The following LCMT1 variants were observed in gnomAD, a reference collection of about 807,000 sequenced individuals.
LCMT1 encodes leucine carboxyl methyltransferase 1.
LCMT1 carries 32 observed loss-of-function variants against 47.7 expected under a neutral mutation model. The observed-to-expected ratio is 0.67, with a 90% CI of 0.51 to 0.90. The LOEUF (loss-of-function observed/expected upper bound fraction) is 0.90, where lower values mean the gene tolerates loss of function less well. Among genes scored for constraint, LCMT1 ranks in the 40% least tolerant of loss-of-function variants. The pLI, the probability that LCMT1 is intolerant of heterozygous loss-of-function variation, is 0.00. For synonymous variants in LCMT1, 152 were observed against 149.7 expected, an observed-to-expected ratio of 1.02 and a Z score of -0.11; for missense variants, 375 against 415.2, an observed-to-expected ratio of 0.90 and a Z score of 0.84.
chr16:25,118,224 T>C (rs1370947300), intron 1 of LCMT1, among the ~76,000 whole-genome samples: 1 of 152,036 alleles, frequency 6.6e-6, no homozygotes, highest in African/African-American at 2.4e-5. Context: ...CTGCTCTGTG[T>C]ACTTCCCCAG....
chr16:25,132,854 G>A (rs1193310336), intron 3 of LCMT1, among the ~76,000 whole-genome samples: 1 of 142,058 alleles, frequency 7.0e-6, no homozygotes, highest in Admixed American at 7.2e-5. Context: ...GCATGCATTT[G>A]TAACTTTTTT....
chr16:25,121,582 A>G (rs1048261482), intron 1 of LCMT1, among the ~76,000 whole-genome samples: 1 of 152,182 alleles, frequency 6.6e-6, no homozygotes, highest in Non-Finnish European at 1.5e-5. Flanking sequence ...AAAAAGGTTT[A>G]ATTGACTCAG....
intron 9 of LCMT1, among the ~76,000 whole-genome samples, chr16:25,171,826 T>C (rs1316319357): frequency 2.0e-5 from 3 of 152,216 alleles, no homozygotes; most frequent in Non-Finnish European, 4.4e-5. Context: ...TAGCAGTTCT[T>C]AACATATTGG....
chr16:25,133,975 T>C (rs1451503147), intron 3 of LCMT1, among the ~76,000 whole-genome samples: 1 of 146,864 alleles, frequency 6.8e-6, no homozygotes, highest in African/African-American at 2.5e-5. Flanking sequence ...GTGGTTGCAG[T>C]GAGTCGAGAT....
At chr16:25,171,601 G>A (rs951229885) in intron 9 of LCMT1, among the ~76,000 whole-genome samples, 1 of 152,178 alleles carries the variant, frequency 6.6e-6, no homozygotes, top group Non-Finnish European at 1.5e-5. Context: ...AACTCCCAGA[G>A]CAACCTTGGC....
intron 7 of LCMT1, among the ~76,000 whole-genome samples, chr16:25,167,934 ATT>A (rs1961633887): frequency 6.8e-6 from 1 of 147,736 alleles, no homozygotes; most frequent in Non-Finnish European, 1.5e-5. Context: ...CTAATTTTGT[ATT>A]TTTAATAGAG....
At chr16:25,172,694 A>G (rs1028582606) in intron 9 of LCMT1, among the ~76,000 whole-genome samples, 8 of 152,254 alleles carry the variant, frequency 5.3e-5, no homozygotes, top group Non-Finnish European at 1.2e-4. Context: ...AAATATGTAC[A>G]TGAATAATTG....
chr16:25,130,865 G>A (rs1445800436), intron 2 of LCMT1, among the ~76,000 whole-genome samples: 1 of 152,212 alleles, frequency 6.6e-6, no homozygotes, highest in African/African-American at 2.4e-5. Context: ...CATTTGATTG[G>A]CAGCAGCCTG....
At chr16:25,163,467 CAAAAAAA>C (rs11318381) in intron 6 of LCMT1, among the ~76,000 whole-genome samples, 2 of 97,510 alleles carry the variant, frequency 2.1e-5, no homozygotes, top group Non-Finnish European at 4.2e-5. Flanking sequence ...GACTCTGTCT[CAAAAAAA>C]AAAAAAAAAA....
intron 10 of LCMT1, 120 bp from the exon 11 acceptor site, chr16:25,177,881 G>A (rs1333190130): frequency 1.3e-5 from 10 of 785,712 alleles, no homozygotes; most frequent in East Asian, 4.9e-5. Context: ...GCAGGAGGGC[G>A]GTGCTACAGT....
chr16:25,148,843 A>G (rs1033004340), intron 4 of LCMT1: 1 of 152,248 alleles, frequency 6.6e-6, no homozygotes, highest in South Asian at 2.1e-4. Flanking sequence ...GGCTCACCAG[A>G]TAATCTGTTA....
intron 4 of LCMT1, chr16:25,142,084 G>A (rs1292545818): frequency 6.6e-6 from 1 of 152,318 alleles, no homozygotes; most frequent in Non-Finnish European, 1.5e-5. Context: ...TAACAGAGAG[G>A]TGAAATTGGC....
rs1410208980 is a variant in LCMT1 at position 25,170,808 on chromosome 16, A to G, written c.884+3A>G. On this transcript the variant is annotated splice_donor_region_variant and intron_variant, in intron 9 of 10. Transcript: ENST00000399069. ...TTACCTCGAGCTGAAGTGAGCAGGT[A>G]TGGGGTTGGTGAGCGTCAGCTTGAT... is the stretch of plus-strand genomic sequence containing the variant. 5.0e-6 allele frequency: 8 copies of G among 1,601,510 alleles called. No individual in the cohort carries two copies. The highest frequency in any genetic ancestry group is 6.8e-6 in the Non-Finnish European group (8 of 1,170,958).
In LCMT1 at chr16:25,133,394, T is replaced by G. The variant is rs1960410675; in HGVS notation, c.327+871T>G. 2.4e-5 allele frequency among the ~76,000 whole-genome samples: 3 copies of G among 123,192 alleles called. No individual in the cohort carries two copies. The Admixed American group carries it at 2.5e-4, about 10-fold the overall frequency. The allele number at this position is 123,192 out of a possible 152,430, so 80.8% of individuals were successfully genotyped here. On this transcript the variant is annotated intron_variant, in intron 3 of 10. Transcript: ENST00000399069. Reference sequence around the variant, plus strand: ...TGGCTCCTGGGCTTAGGTTTTTTTTTTTTTTTTTTTTTTTTTTTTTTGAGA... The same window carrying G: ...TGGCTCCTGGGCTTAGGTTTTTTTTGTTTTTTTTTTTTTTTTTTTTTGAGA...
At chr16:25,117,052 G>A (rs1669170906) in intron 1 of LCMT1, among the ~76,000 whole-genome samples, 1 of 152,172 alleles carries the variant, frequency 6.6e-6, no homozygotes, top group Admixed American at 6.5e-5. Context: ...TGCTCAGGCA[G>A]TGAATCGTGG....
At chr16:25,174,490 C>G (rs569248011) in intron 9 of LCMT1, among the ~76,000 whole-genome samples, 1 of 152,162 alleles carries the variant, frequency 6.6e-6, no homozygotes, top group South Asian at 2.1e-4. Context: ...ACGCAACTTG[C>G]TTTTTAAATT....
In LCMT1 at chr16:25,176,228, C is replaced by A. The variant is rs79261716; in HGVS notation, c.982+1194C>A. On this transcript the variant is annotated intron_variant, in intron 10 of 10. Coordinates refer to ENST00000399069, the MANE Select transcript of LCMT1 (RefSeq NM_016309.3). The stretch of plus-strand genomic sequence containing the variant: ...CTGCCCCCTGCTGGGCTTGCCTCCC[C>A]CAGTGGTTAGGCTTTGAGTGTCTCT... 2.6e-5 allele frequency among the ~76,000 whole-genome samples: 4 copies of A among 152,272 alleles called. No homozygotes were observed. The East Asian group carries it at 7.7e-4, about 29-fold the overall frequency.
At chr16:25,152,280 T>C (rs963608366) in intron 5 of LCMT1, among the ~76,000 whole-genome samples, 1 of 152,074 alleles carries the variant, frequency 6.6e-6, no homozygotes, top group African/African-American at 2.4e-5. Context: ...GTTTAGCCCT[T>C]AGGGAAGAAC....
At chr16:25,113,421 C>T (rs1001193038) in intron 1 of LCMT1, among the ~76,000 whole-genome samples, 4 of 152,108 alleles carry the variant, frequency 2.6e-5, no homozygotes, top group Non-Finnish European at 5.9e-5. Context: ...AGTATAAAGT[C>T]GGGGAAATTA....
Sources: allele counts gnomAD v4.1 joint callset (sites outside exome capture counted in the v4.1 genomes callset), GRCh38; gene constraint gnomAD v4.1.1; transcripts MANE v1.5; gene names NCBI Gene and HGNC (gene_info 2026-07-23, HGNC 2026-07-21).